HMGCLL1: variants seen among roughly 807,000 people sequenced by gnomAD.
The protein encoded by HMGCLL1 is 3-hydroxymethyl-3-methylglutaryl-CoA lyase, cytoplasmic.
A neutral mutation model predicts 39.1 loss-of-function variants in HMGCLL1; 36 were observed. The observed-to-expected ratio is 0.92, with a 90% CI of 0.71 to 1.22. The LOEUF is 1.22. Ranked by LOEUF, HMGCLL1 falls within the 50% of genes most tolerant of loss-of-function variation. The pLI, the probability that HMGCLL1 is intolerant of heterozygous loss-of-function variation, is 0.00. For synonymous variants in HMGCLL1, 149 were observed against 144.0 expected, an observed-to-expected ratio of 1.03 and a Z score of -0.25; for missense variants, 451 against 416.5, an observed-to-expected ratio of 1.08 and a Z score of -0.72.
the HMGCLL1 span, among the ~76,000 whole-genome samples, chr6:55,626,926 G>C: frequency 2.6e-5 from 4 of 151,710 alleles, no homozygotes; most frequent in East Asian, 1.9e-4. Context: ...AGATTCATTA[G>C]AGTGTCTCTT....
At chr6:55,445,527 A>G (rs1358187372) in intron 7 of HMGCLL1, among the ~76,000 whole-genome samples, 1 of 151,142 alleles carries the variant, frequency 6.6e-6, no homozygotes, top group African/African-American at 2.4e-5. Context: ...AAAATAATAG[A>G]CAGGCCACTT....
At chr6:55,485,965 T>C (rs1581843279) in intron 7 of HMGCLL1, among the ~76,000 whole-genome samples, 1 of 151,552 alleles carries the variant, frequency 6.6e-6, no homozygotes, top group African/African-American at 2.4e-5. Context: ...AATAAGAATG[T>C]TCATTAAAAT....
chr6:55,531,460 C>T (rs1048128290), intron 3 of HMGCLL1, among the ~76,000 whole-genome samples: 2 of 152,076 alleles, frequency 1.3e-5, no homozygotes, highest in African/African-American at 4.8e-5. Flanking sequence ...TAGTCAGATA[C>T]AAAAGTGGAA....
Position 55,541,856 on chromosome 6 carries a change from T to C in HMGCLL1, c.190-20A>G. The C allele has an allele frequency of 7.2e-7, 1 of 1,395,750 alleles. No individual in the cohort carries two copies. The highest frequency in any genetic ancestry group is 1.0e-6 in the Non-Finnish European group (1 of 997,220). The allele number at this position is 1,395,750 out of a possible 1,614,324, so 86.5% of individuals were successfully genotyped here. ...TATAACCTATGAAAACAAAAAATAT[T>C]TTATAAGTAAATTGTATAGGTCCTA... On this transcript the variant is annotated intron_variant, in intron 2 of 8. Transcript: ENST00000274901.
chr6:55,435,075 C>G lies in HMGCLL1; in HGVS notation c.*587G>C, dbSNP rs894589870. 7.2e-5 allele frequency: 11 copies of G among 152,538 alleles called. No individual in the cohort carries two copies. The highest frequency in any genetic ancestry group is 1.2e-4 in the Non-Finnish European group (8 of 67,994). The allele number at this position is 152,538 out of a possible 1,614,324, so 9.4% of individuals were successfully genotyped here. On this transcript the variant is annotated 3_prime_UTR_variant, in exon 9 of 9. Coordinates refer to ENST00000274901, the MANE Select transcript of HMGCLL1 (RefSeq NM_001042406.2). ...GGCATCTTGCCATTGGCCACAGCCT[C>G]TTGGAACCAGATAAAGTCACTGAAA...
intron 7 of HMGCLL1, among the ~76,000 whole-genome samples, chr6:55,441,174 A>G (rs1297041214): frequency 6.6e-6 from 1 of 152,094 alleles, no homozygotes; most frequent in African/African-American, 2.4e-5. Flanking sequence ...ATTAAAAATT[A>G]CTAGGAGAAA....
At chr6:55,499,154 C>A (rs1581860797) in intron 6 of HMGCLL1, 82 bp downstream of exon 6, 1 of 1,094,090 alleles carries the variant, frequency 9.1e-7, no homozygotes, top group East Asian at 2.4e-5. Context: ...TATGCAGATT[C>A]AATAAATATT....
At chr6:55,647,743 TC>T in the HMGCLL1 span, among the ~76,000 whole-genome samples, 26 of 105,750 alleles carry the variant, frequency 2.5e-4, no homozygotes, top group African/African-American at 1.1e-3. Flanking sequence ...CTTTTTTTTT[TC>T]CTTTTTTTTT....
intron 1 of HMGCLL1, among the ~76,000 whole-genome samples, chr6:55,555,339 T>TCAA (rs76294675): frequency 0.24 from 35,876 of 151,730 alleles, 4,357 homozygotes; most frequent in African/African-American, 0.28. Flanking sequence ...TATCAAAAAG[T>TCAA]CAACAACAAC....
chr6:55,518,450 C>T (rs1289790581), intron 3 of HMGCLL1, among the ~76,000 whole-genome samples: 3 of 152,094 alleles, frequency 2.0e-5, no homozygotes, highest in Non-Finnish European at 4.4e-5. Context: ...CAGGATCTCA[C>T]CACTTTTCAC....
chr6:55,445,002 C>G (rs183905964), intron 7 of HMGCLL1, among the ~76,000 whole-genome samples: 2 of 152,020 alleles, frequency 1.3e-5, no homozygotes, highest in East Asian at 3.9e-4. Context: ...AAGCTCTATT[C>G]ACAAATTAAT....
intron 6 of HMGCLL1, among the ~76,000 whole-genome samples, chr6:55,498,226 C>T (rs926201332): frequency 3.3e-5 from 5 of 151,686 alleles, no homozygotes; most frequent in African/African-American, 4.8e-5. Flanking sequence ...AAGTTATGCC[C>T]TTTGGAGGTA....
chr6:55,538,994 A>T (rs1344606121), intron 3 of HMGCLL1, among the ~76,000 whole-genome samples: 1 of 152,200 alleles, frequency 6.6e-6, no homozygotes, highest in Non-Finnish European at 1.5e-5. Context: ...TAATACAATT[A>T]AAAAGCCTTT....
the HMGCLL1 span, among the ~76,000 whole-genome samples, chr6:55,646,043 G>C: frequency 6.6e-6 from 1 of 151,786 alleles, no homozygotes; most frequent in African/African-American, 2.4e-5. Flanking sequence ...TTTACTGGAA[G>C]ATTTTTTATT....
At position 55,576,938 on chromosome 6, in the gene HMGCLL1, A is replaced by G. The variant is rs1771787016; in HGVS notation, c.108+2010T>C. Reference sequence around the variant, plus strand: ...GTCAAATGAGCAGCTGAACATCTGGACTGGAATTCAAGAGAAATAGGGGAA... The same window carrying G: ...GTCAAATGAGCAGCTGAACATCTGGGCTGGAATTCAAGAGAAATAGGGGAA... On this transcript the variant is annotated intron_variant, in intron 1 of 8. Coordinates refer to ENST00000274901, the MANE Select transcript of HMGCLL1 (RefSeq NM_001042406.2). The G allele has an allele frequency of 2.6e-6, 3 of 1,144,214 alleles. No homozygotes were observed. In the Admixed American group the frequency reaches 6.3e-5, roughly 24 times the overall value. The allele number at this position is 1,144,214 out of a possible 1,614,324, so 70.9% of individuals were successfully genotyped here.
At chr6:55,497,948 AATCACAGTTT>A (rs1256256932) in intron 6 of HMGCLL1, among the ~76,000 whole-genome samples, 3 of 152,186 alleles carry the variant, frequency 2.0e-5, no homozygotes, top group Non-Finnish European at 4.4e-5. Flanking sequence ...TGAACAGAGT[AATCACAGTTT>A]GAAGTAGTAA....
chr6:55,664,617 C>A, the HMGCLL1 span, among the ~76,000 whole-genome samples: 9 of 151,682 alleles, frequency 5.9e-5, no homozygotes, highest in Admixed American at 4.0e-4. Context: ...TTTCTCAACA[C>A]TTAGGGCCTT....
chr6:55,525,241 A>G (rs1012857279), intron 3 of HMGCLL1, among the ~76,000 whole-genome samples: 6 of 151,876 alleles, frequency 4.0e-5, no homozygotes, highest in Admixed American at 1.3e-4. Context: ...TAGAGGCATA[A>G]TGAAAAAAAG....
chr6:55,458,719 T>A (rs952609577), intron 7 of HMGCLL1, among the ~76,000 whole-genome samples: 1 of 152,190 alleles, frequency 6.6e-6, no homozygotes, highest in African/African-American at 2.4e-5. Flanking sequence ...GTATCATTAG[T>A]GAATCACATT....
Sources: gnomAD v4.1 joint callset for allele counts (sites outside exome capture counted in the v4.1 genomes callset) on GRCh38, gnomAD v4.1.1 for gene constraint, MANE v1.5 for transcripts, NCBI Gene and HGNC (gene_info 2026-07-23, HGNC 2026-07-21) for gene names.